Variants in MDFIC2 observed in about 807,000 individuals in gnomAD.
MDFIC2 encodes MyoD family inhibitor domain containing 2.
chr3:70,250,667 C>T (rs934025635), intron 2 of MDFIC2, among the ~76,000 whole-genome samples: 3 of 152,110 alleles, frequency 2.0e-5, no homozygotes, highest in Non-Finnish European at 4.4e-5. Flanking sequence ...CAAAAATTTC[C>T]AGCTTCCCTA....
intron 2 of MDFIC2, among the ~76,000 whole-genome samples, chr3:70,274,769 A>C (rs535298183): frequency 9.7e-4 from 147 of 152,300 alleles, no homozygotes; most frequent in African/African-American, 3.5e-3. Context: ...CAAATATAAA[A>C]ATATTTTAAA....
chr3:70,228,683 A>G (rs1007994687), intron 2 of MDFIC2, among the ~76,000 whole-genome samples: 3 of 151,526 alleles, frequency 2.0e-5, no homozygotes, highest in Non-Finnish European at 2.9e-5. Context: ...AAAACAAAAT[A>G]ACAGTTTTAC....
intron 2 of MDFIC2, among the ~76,000 whole-genome samples, chr3:70,278,657 G>A (rs1324022148): frequency 6.6e-6 from 1 of 152,052 alleles, no homozygotes; most frequent in Non-Finnish European, 1.5e-5. Context: ...TGTCTTTTAT[G>A]TACAACTGAG....
intron 2 of MDFIC2, among the ~76,000 whole-genome samples, chr3:70,308,456 A>G (rs1024914737): frequency 6.6e-6 from 1 of 152,126 alleles, no homozygotes; most frequent in Non-Finnish European, 1.5e-5. Context: ...GGGTCTGTCA[A>G]TGGTGTTTCT....
At chr3:70,275,398 C>T (rs1478122620) in intron 2 of MDFIC2, among the ~76,000 whole-genome samples, 1 of 151,982 alleles carries the variant, frequency 6.6e-6, no homozygotes, top group Non-Finnish European at 1.5e-5. Context: ...GCCTGTAGTC[C>T]CAGCTACTAG....
chr3:70,277,901 T>A (rs941691455), intron 2 of MDFIC2, among the ~76,000 whole-genome samples: 1 of 152,154 alleles, frequency 6.6e-6, no homozygotes, highest in East Asian at 1.9e-4. Flanking sequence ...AGGAAGATGA[T>A]TGAGACCCTA....
chr3:70,241,719 G>A (rs899595302), intron 2 of MDFIC2, among the ~76,000 whole-genome samples: 4 of 152,172 alleles, frequency 2.6e-5, no homozygotes, highest in South Asian at 2.1e-4. Flanking sequence ...TAAACATTGC[G>A]GCTACTAAGG....
intron 2 of MDFIC2, among the ~76,000 whole-genome samples, chr3:70,282,087 A>C (rs1336024073): frequency 6.6e-6 from 1 of 152,138 alleles, no homozygotes; most frequent in African/African-American, 2.4e-5. Flanking sequence ...CAGCCAGGGA[A>C]GAAGGCTTTT....
intron 2 of MDFIC2, among the ~76,000 whole-genome samples, chr3:70,273,466 G>C (rs1157785050): frequency 3.3e-5 from 5 of 152,106 alleles, no homozygotes; most frequent in African/African-American, 1.2e-4. Flanking sequence ...CATCACTCAG[G>C]AGATCGTCCA....
At chr3:70,272,718 A>G (rs1701986398) in intron 2 of MDFIC2, among the ~76,000 whole-genome samples, 1 of 152,224 alleles carries the variant, frequency 6.6e-6, no homozygotes, top group South Asian at 2.1e-4. Context: ...AGTACATTGC[A>G]TTGCTGGAAT....
intron 2 of MDFIC2, among the ~76,000 whole-genome samples, chr3:70,231,092 G>A (rs894447044): frequency 6.6e-6 from 1 of 152,100 alleles, no homozygotes; most frequent in African/African-American, 2.4e-5. Context: ...CAGCTCTATT[G>A]TTATCAATTG....
At chr3:70,290,968 C>G (rs1252568362) in intron 2 of MDFIC2, among the ~76,000 whole-genome samples, 1 of 152,250 alleles carries the variant, frequency 6.6e-6, no homozygotes, top group African/African-American at 2.4e-5. Flanking sequence ...CTGGCACTCC[C>G]TAGTGAGATG....
At chr3:70,292,345 A>G (rs1184320324) in intron 2 of MDFIC2, among the ~76,000 whole-genome samples, 2 of 152,144 alleles carry the variant, frequency 1.3e-5, no homozygotes, top group African/African-American at 2.4e-5. Flanking sequence ...AGCCATTACT[A>G]TACATATCTT....
intron 2 of MDFIC2, among the ~76,000 whole-genome samples, chr3:70,302,076 A>C (rs1223654510): frequency 6.6e-6 from 1 of 152,118 alleles, no homozygotes; most frequent in Non-Finnish European, 1.5e-5. Context: ...TACTTCTATG[A>C]GTTGTCCTCT....
intron 2 of MDFIC2, among the ~76,000 whole-genome samples, chr3:70,255,600 T>A (rs760934234): frequency 2.0e-5 from 3 of 152,128 alleles, no homozygotes; most frequent in Admixed American, 2.0e-4. Flanking sequence ...CAGCTAGGAC[T>A]GCAGGCATGC....
At position 70,194,711 on chromosome 3, in the gene MDFIC2, A is replaced by G. The variant is rs944534480; in HGVS notation, c.*2215T>C. Among the ~76,000 whole-genome samples the G allele has an allele frequency of 7.9e-5, 12 of 152,200 alleles. No individual in the cohort carries two copies. The highest frequency in any genetic ancestry group is 1.5e-4 in the Non-Finnish European group (10 of 68,036). ...GACAAGCATTCAATTCACATTTGAA[A>G]TGCACAATCTTTGCATAATTTGAGG... is the stretch of plus-strand genomic sequence containing the variant. On this transcript the variant is annotated 3_prime_UTR_variant, in exon 4 of 4. Transcript: ENST00000567252.
chr3:70,306,938 A>G (rs554500961), intron 2 of MDFIC2, among the ~76,000 whole-genome samples: 1 of 152,234 alleles, frequency 6.6e-6, no homozygotes, highest in South Asian at 2.1e-4. Context: ...ATTGACTTTG[A>G]CTTTGCTCAT....
intron 2 of MDFIC2, among the ~76,000 whole-genome samples, chr3:70,290,362 T>C (rs1702222794): frequency 6.6e-6 from 1 of 152,208 alleles, no homozygotes; most frequent in South Asian, 2.1e-4. Flanking sequence ...GCCTCCCAGT[T>C]AGGCTGCTCG....
chr3:70,263,853 G>A (rs1251399025), intron 2 of MDFIC2, among the ~76,000 whole-genome samples: 1 of 152,036 alleles, frequency 6.6e-6, no homozygotes, highest in Non-Finnish European at 1.5e-5. Flanking sequence ...CTGGGCGATG[G>A]TGGAACTCAC....
Sources: allele counts gnomAD v4.1 joint callset (sites outside exome capture counted in the v4.1 genomes callset), GRCh38; gene constraint gnomAD v4.1.1; transcripts MANE v1.5; gene names NCBI Gene and HGNC (gene_info 2026-07-23, HGNC 2026-07-21).